Variants in PCNP observed in about 807,000 individuals in gnomAD.
PCNP encodes the protein PEST proteolytic signal containing nuclear protein, also known as PEST proteolytic signal-containing nuclear protein.
Under a neutral mutation model 21.8 loss-of-function variants are expected in PCNP, and 6 were observed. The ratio of observed to expected loss-of-function variants is 0.28; its 90% CI spans 0.15 to 0.54. The LOEUF (loss-of-function observed/expected upper bound fraction) is 0.54. Ranked by LOEUF, PCNP falls within the 20% of genes least tolerant of loss-of-function variation. The pLI is 0.95. For synonymous variants in PCNP, 67 were observed against 73.2 expected (o/e 0.92, Z 0.43); for missense variants, 161 against 215.5 (o/e 0.75, Z 1.58).
At chr3:101,575,216 A>G (rs1034219542) in intron 1 of PCNP, among the ~76,000 whole-genome samples, 3 of 152,224 alleles carry the variant, frequency 2.0e-5, no homozygotes, top group African/African-American at 7.2e-5. Flanking sequence ...CATTTTAAAC[A>G]TTATTCTCTA....
At chr3:101,584,073 G>A (rs1329090697) in intron 2 of PCNP, among the ~76,000 whole-genome samples, 1 of 152,072 alleles carries the variant, frequency 6.6e-6, no homozygotes, top group East Asian at 1.9e-4. Flanking sequence ...TACTTAATAG[G>A]TGTCTAATCA....
chr3:101,583,173 A>C (rs1935316395), intron 2 of PCNP, among the ~76,000 whole-genome samples: 1 of 151,890 alleles, frequency 6.6e-6, no homozygotes, highest in Admixed American at 6.6e-5. Context: ...AAAAGTAAAC[A>C]AGGCTGGGCG....
intron 1 of PCNP, among the ~76,000 whole-genome samples, chr3:101,578,038 T>C (rs1276226111): frequency 6.6e-6 from 1 of 152,248 alleles, no homozygotes; most frequent in Non-Finnish European, 1.5e-5. Context: ...TTTATCCATG[T>C]TTTATGTTCT....
intron 2 of PCNP, among the ~76,000 whole-genome samples, chr3:101,582,130 T>C (rs1207464190): frequency 1.3e-5 from 2 of 149,916 alleles, no homozygotes; most frequent in African/African-American, 4.9e-5. Flanking sequence ...GTAAAACTTT[T>C]TAGTTTTGGA....
Position 101,586,569 on chromosome 3 carries a change from T to TGA in PCNP, c.354+1059_354+1060insAG, listed in dbSNP as rs1489485259. On this transcript the variant is annotated intron_variant, in intron 3 of 4. Coordinates refer to ENST00000265260, the MANE Select transcript of PCNP (RefSeq NM_020357.3). Reference sequence around the variant, plus strand: ...TCGTGTGTGTGTGTGTGTGTGTGTGTGTGAGAGAGAGAGAGAGAGAGTTTC... The same window carrying TGA: ...TCGTGTGTGTGTGTGTGTGTGTGTGTGAGTGAGAGAGAGAGAGAGAGAGTTTC... Among the ~76,000 whole-genome samples, 1,127 of 136,808 alleles carry TGA rather than the reference T, an allele frequency of 8.2e-3. 12 individuals carry two copies. The highest frequency in any genetic ancestry group is 0.029 in the African/African-American group (1,036 of 35,738). 89.8% of individuals were successfully genotyped at this position (136,808 alleles called of 152,430 possible).
chr3:101,589,961 A>G, intron 3 of PCNP: 1 of 416,520 alleles, frequency 2.4e-6, no homozygotes, highest in Non-Finnish European at 4.3e-6. Context: ...AGCATTTAGT[A>G]GCTAAATGGT....
At chr3:101,583,070 A>G (rs976577621) in intron 2 of PCNP, among the ~76,000 whole-genome samples, 3 of 152,148 alleles carry the variant, frequency 2.0e-5, no homozygotes, top group Non-Finnish European at 4.4e-5. Flanking sequence ...GCTCATGCCT[A>G]TAATTCCAGC....
At chr3:101,576,673 T>A in intron 1 of PCNP, 2 of 1,612,090 alleles carry the variant, frequency 1.2e-6, no homozygotes, top group Non-Finnish European at 1.7e-6. Context: ...ATATTTTCCA[T>A]CCTTTACATC....
At position 101,579,803 on chromosome 3, in the gene PCNP, A is replaced by G; in HGVS notation, c.78A>G (p.Glu26=). ...CGACTTCACCAGGACCTGAAGAAGA[A>G]GCAGAAAAACCTGTGAAAACTAAGA... ...RAGAAGGPEE[E]AEKPVKTKTV... The change falls in exon 2 of 5, where the codon GAA becomes GAG. Residue 26 remains glutamate (E), a synonymous_variant. Transcript: ENST00000265260. 2 of 1,613,766 alleles carry G rather than the reference A, an allele frequency of 1.2e-6. No homozygotes were observed. The highest frequency in any genetic ancestry group is 1.7e-6 in the Non-Finnish European group (2 of 1,179,628).
At chr3:101,586,564 G>GTGTC (rs963045188) in intron 3 of PCNP, among the ~76,000 whole-genome samples, 3 of 53,892 alleles carry the variant, frequency 5.6e-5, no homozygotes, top group Admixed American at 3.6e-4. Context: ...GTGTGTGTGT[G>GTGTC]TGTGTGTGAG....
intron 4 of PCNP, among the ~76,000 whole-genome samples, chr3:101,590,950 TTG>T (rs780006638): frequency 3.3e-5 from 5 of 152,022 alleles, no homozygotes; most frequent in African/African-American, 4.8e-5. Flanking sequence ...TTAAAAAAAT[TTG>T]TAAGTAGAGA....
At chr3:101,574,171 C>T (rs1241031870), upstream of PCNP, 5 of 1,541,826 alleles carry the variant, frequency 3.2e-6, no homozygotes, top group African/African-American at 4.1e-5. Context: ...TGGGCGGGGT[C>T]GTGACGTCCT....
Position 101,579,774 on chromosome 3 carries a change from G to T in PCNP, c.65-16G>T. 1 of 1,589,698 alleles carries T rather than the reference G, an allele frequency of 6.3e-7. No individual in the cohort carries two copies. Among genetic ancestry groups the T allele is most frequent in the Non-Finnish European group, 8.6e-7 (1 of 1,157,904 alleles). On this transcript the variant is annotated splice_polypyrimidine_tract_variant and intron_variant, in intron 1 of 4. Transcript: ENST00000265260. ...TAAAAATAGCTCATCTTGGTAAGTTGTTTCGACTTCACCAGGACCTGAAGA... is the reference window on the plus strand; with the variant it reads ...TAAAAATAGCTCATCTTGGTAAGTTTTTTCGACTTCACCAGGACCTGAAGA...
chr3:101,587,135 A>G (rs962859942), intron 3 of PCNP, among the ~76,000 whole-genome samples: 1 of 152,056 alleles, frequency 6.6e-6, no homozygotes, highest in African/African-American at 2.4e-5. Flanking sequence ...GTGTAATCCC[A>G]GCTACTCAGG....
At position 101,587,124 on chromosome 3, in the gene PCNP, C is replaced by T. The variant is rs552869197; in HGVS notation, c.354+1613C>T. ...TATTAGCCGGGCGTAGTGGTGCATG[C>T]GTGTAATCCCAGCTACTCAGGAGGC... On this transcript the variant is annotated intron_variant, in intron 3 of 4. Transcript: ENST00000265260. 3.9e-5 allele frequency among the ~76,000 whole-genome samples: 6 copies of T among 151,974 alleles called. No individual in the cohort carries two copies. The South Asian group carries it at 1.0e-3, about 26-fold the overall frequency.
At position 101,581,653 on chromosome 3, in the gene PCNP, CAA is replaced by C. The variant is rs1430696985; in HGVS notation, c.279+1651_279+1652del. 1.1e-4 allele frequency among the ~76,000 whole-genome samples: 17 copies of C among 152,122 alleles called. No individual in the cohort carries two copies. The East Asian group carries it at 3.1e-3, about 28-fold the overall frequency. The stretch of plus-strand genomic sequence containing the variant: ...TTCACCATGTTGGCCAGGCTGGTCT[CAA>C]ACTCCTGACCTCAGGTGATCTGTCC... On this transcript the variant is annotated intron_variant, in intron 2 of 4. Coordinates refer to ENST00000265260, the MANE Select transcript of PCNP (RefSeq NM_020357.3).
At chr3:101,580,575 G>A (rs1007323541) in intron 2 of PCNP, among the ~76,000 whole-genome samples, 1 of 151,922 alleles carries the variant, frequency 6.6e-6, no homozygotes, top group Non-Finnish European at 1.5e-5. Flanking sequence ...ATATTAGTAA[G>A]GTATTGCTTG....
chr3:101,576,693 G>T lies in PCNP; in HGVS notation c.64+2414G>T. ...TTCCATCCTTTACATCCTTCTGTCT[G>T]TTCAAGAACCAGTCTGGGATCTTGT... On this transcript the variant is annotated intron_variant, in intron 1 of 4. Coordinates refer to ENST00000265260, the MANE Select transcript of PCNP (RefSeq NM_020357.3). 2.5e-6 allele frequency: 4 copies of T among 1,612,086 alleles called. No homozygotes were observed. The Admixed American group carries it at 6.7e-5, about 27-fold the overall frequency.
At chr3:101,588,379 G>GT (rs1181163872) in intron 3 of PCNP, among the ~76,000 whole-genome samples, 1 of 152,100 alleles carries the variant, frequency 6.6e-6, no homozygotes, top group Non-Finnish European at 1.5e-5. Flanking sequence ...ATACCCTGCT[G>GT]TTTTCCCTGC....
Sources: gnomAD v4.1 joint callset for allele counts (sites outside exome capture counted in the v4.1 genomes callset) on GRCh38, gnomAD v4.1.1 for gene constraint, MANE v1.5 for transcripts, NCBI Gene and HGNC (gene_info 2026-07-23, HGNC 2026-07-21) for gene names.